The following CACNB2 variants were observed in gnomAD, a reference collection of about 807,000 sequenced individuals.
CACNB2 encodes the protein calcium voltage-gated channel auxiliary subunit beta 2, also known as voltage-dependent L-type calcium channel subunit beta-2.
A neutral mutation model predicts 73.3 loss-of-function variants in CACNB2; 42 were observed. The observed-to-expected ratio is 0.57, with a 90% CI of 0.45 to 0.74. The LOEUF (loss-of-function observed/expected upper bound fraction) is 0.74. CACNB2 is among the 30% of genes least tolerant of loss of function. The pLI, the probability that CACNB2 is intolerant of heterozygous loss-of-function variation, is 0.00. For missense variants in CACNB2, 940 were observed against 853.0 expected (o/e 1.10, Z -1.27); for synonymous variants, 348 against 310.3 (o/e 1.12, Z -1.28).
At chr10:18,498,259 A>T in intron 3 of CACNB2, 96 bp from the exon 4 acceptor site, 1 of 1,430,556 alleles carries the variant, frequency 7.0e-7, no homozygotes, top group Non-Finnish European at 9.7e-7. Context: ...AACAATGATT[A>T]CAGTAGTTAT....
intron 2 of CACNB2, among the ~76,000 whole-genome samples, chr10:18,396,103 C>G (rs945190624): frequency 4.7e-5 from 7 of 150,360 alleles, no homozygotes; most frequent in African/African-American, 1.7e-4. Context: ...ACCACAGGCA[C>G]CTGCCACCAC....
At chr10:18,460,752 T>C (rs1165272710) in intron 3 of CACNB2, among the ~76,000 whole-genome samples, 1 of 151,896 alleles carries the variant, frequency 6.6e-6, no homozygotes, top group African/African-American at 2.4e-5. Flanking sequence ...TTATTATGTA[T>C]GGTAGGGCAC....
intron 3 of CACNB2, among the ~76,000 whole-genome samples, chr10:18,447,509 AAGG>A (rs1265364194): frequency 6.6e-6 from 1 of 152,230 alleles, no homozygotes. Context: ...GGTCAGGGAG[AAGG>A]AGAATTCGGA....
intron 2 of CACNB2, among the ~76,000 whole-genome samples, chr10:18,321,087 G>T (rs1443742016): frequency 6.6e-6 from 1 of 152,174 alleles, no homozygotes; most frequent in Non-Finnish European, 1.5e-5. Context: ...AAGAAAATGT[G>T]TCTCTTAGAA....
At chr10:18,359,816 C>G (rs1449881633) in intron 2 of CACNB2, among the ~76,000 whole-genome samples, 1 of 151,896 alleles carries the variant, frequency 6.6e-6, no homozygotes, top group South Asian at 2.1e-4. Context: ...TTCTTGGCCA[C>G]ATCTCTTGAA....
chr10:18,160,956 C>T (rs2032413501), intron 2 of CACNB2, among the ~76,000 whole-genome samples: 1 of 152,118 alleles, frequency 6.6e-6, no homozygotes, highest in Admixed American at 6.6e-5. Flanking sequence ...CTTTAGTCCG[C>T]AATTGTGACC....
At chr10:18,157,062 C>CA (rs528189125) in intron 2 of CACNB2, among the ~76,000 whole-genome samples, 34,775 of 116,056 alleles carry the variant, frequency 0.3, 4,386 homozygotes, top group African/African-American at 0.36. Context: ...AACTTTGTCT[C>CA]AAAAAAAAAA....
At chr10:18,201,761 A>G (rs1473897429) in intron 2 of CACNB2, among the ~76,000 whole-genome samples, 1 of 152,208 alleles carries the variant, frequency 6.6e-6, no homozygotes, top group East Asian at 1.9e-4. Flanking sequence ...ATAACATATT[A>G]TTACTAATTG....
At chr10:18,515,169 C>A in intron 7 of CACNB2, 2 of 748,272 alleles carry the variant, frequency 2.7e-6, no homozygotes, top group South Asian at 1.5e-5. Context: ...TTGCCATTGG[C>A]CATCCAAGAT....
chr10:18,523,775 T>A (rs190144899), intron 9 of CACNB2, among the ~76,000 whole-genome samples: 4 of 152,342 alleles, frequency 2.6e-5, no homozygotes, highest in African/African-American at 7.2e-5. Context: ...TATATACATA[T>A]GACATTCTAA....
chr10:18,484,561 GA>G (rs937292510), intron 3 of CACNB2, among the ~76,000 whole-genome samples: 1 of 152,166 alleles, frequency 6.6e-6, no homozygotes, highest in African/African-American at 2.4e-5. Context: ...ACCAAGGGAA[GA>G]AGAGAGTGCT....
chr10:18,454,381 C>A (rs2047164754), intron 3 of CACNB2, among the ~76,000 whole-genome samples: 1 of 152,160 alleles, frequency 6.6e-6, no homozygotes, highest in African/African-American at 2.4e-5. Flanking sequence ...CTTTTCTAGG[C>A]AGTTTTTTTC....
chr10:18,259,538 C>T (rs1167709910), intron 2 of CACNB2, among the ~76,000 whole-genome samples: 2 of 116,110 alleles, frequency 1.7e-5, no homozygotes, highest in Non-Finnish European at 3.5e-5. Context: ...AACTCCATCT[C>T]TACTGAAAAA....
At chr10:18,394,842 A>G (rs1467618389) in intron 2 of CACNB2, among the ~76,000 whole-genome samples, 1 of 152,246 alleles carries the variant, frequency 6.6e-6, no homozygotes, top group Non-Finnish European at 1.5e-5. Context: ...ATAATATAAA[A>G]CAATCTTCAA....
At chr10:18,340,718 G>A (rs2041197075) in intron 2 of CACNB2, 1 of 1,450,140 alleles carries the variant, frequency 6.9e-7, no homozygotes, top group Admixed American at 2.7e-5. Flanking sequence ...TGCCTAAGTG[G>A]TTCTGGAACA....
intron 3 of CACNB2, among the ~76,000 whole-genome samples, chr10:18,469,150 G>A (rs2048050273): frequency 6.6e-6 from 1 of 152,174 alleles, no homozygotes. Flanking sequence ...TGAGGTGGGA[G>A]GATTGCTTGG....
At chr10:18,281,236 A>G (rs1381898807) in intron 2 of CACNB2, among the ~76,000 whole-genome samples, 1 of 152,228 alleles carries the variant, frequency 6.6e-6, no homozygotes, top group African/African-American at 2.4e-5. Context: ...CAGGGAAGAT[A>G]CACTAGGGAA....
At chr10:18,183,226 A>G (rs1303026915) in intron 2 of CACNB2, among the ~76,000 whole-genome samples, 3 of 152,206 alleles carry the variant, frequency 2.0e-5, no homozygotes, top group South Asian at 4.1e-4. Context: ...CATGTCTGCC[A>G]TATAGTCTGA....
At chr10:18,141,215 C>A in intron 1 of CACNB2, 1 of 485,368 alleles carries the variant, frequency 2.1e-6, no homozygotes, top group Non-Finnish European at 4.0e-6. Context: ...TGCTGAAGAT[C>A]GTGAGTCCGG....
Sources: gnomAD v4.1 joint callset for allele counts (sites outside exome capture counted in the v4.1 genomes callset) on GRCh38, gnomAD v4.1.1 for gene constraint, MANE v1.5 for transcripts, NCBI Gene and HGNC (gene_info 2026-07-23, HGNC 2026-07-21) for gene names.